Variants in MAD1L1 observed in about 807,000 individuals in gnomAD.
MAD1L1 encodes mitotic spindle assembly checkpoint protein MAD1.
Under a neutral mutation model 96.9 loss-of-function variants are expected in MAD1L1, and 95 were observed. That is an observed-to-expected ratio of 0.98 (90% confidence interval 0.83 to 1.16). The LOEUF is 1.16. Among genes scored for constraint, MAD1L1 ranks in the 50% most tolerant of loss-of-function variants. The pLI is 0.00. For missense variants in MAD1L1, 1,007 were observed against 954.4 expected, an observed-to-expected ratio of 1.06 and a Z score of -0.73; for synonymous variants, 473 against 396.6, an observed-to-expected ratio of 1.19 and a Z score of -2.29.
At chr7:1,824,260 C>T (rs1045479189) in intron 18 of MAD1L1, among the ~76,000 whole-genome samples, 26 of 152,202 alleles carry the variant, frequency 1.7e-4, no homozygotes, top group Non-Finnish European at 3.8e-4. Flanking sequence ...GCAGAGCTGC[C>T]GACATCGGGG....
intron 11 of MAD1L1, among the ~76,000 whole-genome samples, chr7:2,110,397 C>T (rs1320501575): frequency 6.6e-6 from 1 of 152,210 alleles, no homozygotes; most frequent in Non-Finnish European, 1.5e-5. Flanking sequence ...AGAAGCCACG[C>T]CCAAAGCGGA....
chr7:1,989,761 C>T (rs913734456), intron 14 of MAD1L1, among the ~76,000 whole-genome samples: 3 of 152,208 alleles, frequency 2.0e-5, no homozygotes, highest in Non-Finnish European at 4.4e-5. Flanking sequence ...CAGCGTGGCC[C>T]GGCTTCGGCA....
intron 17 of MAD1L1, among the ~76,000 whole-genome samples, chr7:1,913,088 G>T (rs113871556): frequency 6.6e-6 from 1 of 152,212 alleles, no homozygotes; most frequent in African/African-American, 2.4e-5. Context: ...TCGGCAAGAC[G>T]AGAGTTTTAA....
chr7:1,914,293 G>A (rs1448589239), intron 17 of MAD1L1, among the ~76,000 whole-genome samples: 1 of 152,236 alleles, frequency 6.6e-6, no homozygotes, highest in Admixed American at 6.5e-5. Context: ...ACGTGGGAAG[G>A]GACTCTGCAG....
chr7:2,111,271 C>T (rs548844200), intron 11 of MAD1L1, among the ~76,000 whole-genome samples: 12 of 152,312 alleles, frequency 7.9e-5, no homozygotes, highest in African/African-American at 2.9e-4. Context: ...GGCCTCAGAG[C>T]CCGCAGGCGC....
rs148084330 is a variant in MAD1L1, at chr7:1,982,989, T to C, written c.1417-2448A>G. Reference sequence around the variant, plus strand: ...ATATCCTAAAATCAAGCTGACAGGCTGGTCCTGGAATAAATCTTACTGCAT... The same window carrying C: ...ATATCCTAAAATCAAGCTGACAGGCCGGTCCTGGAATAAATCTTACTGCAT... On this transcript the variant is annotated intron_variant, in intron 14 of 18. Coordinates refer to ENST00000265854, the MANE Select transcript of MAD1L1 (RefSeq NM_001013836.2). 7.2e-5 allele frequency among the ~76,000 whole-genome samples: 11 copies of C among 152,360 alleles called. No homozygotes were observed. The East Asian group carries it at 2.1e-3, about 29-fold the overall frequency.
intron 15 of MAD1L1, among the ~76,000 whole-genome samples, chr7:1,958,041 C>T (rs557102477): frequency 5.2e-4 from 79 of 152,158 alleles, no homozygotes; most frequent in Non-Finnish European, 8.1e-4. Flanking sequence ...TCAGTGTGTC[C>T]GTGTCCGTCA....
chr7:2,191,389 A>G (rs537138318), intron 10 of MAD1L1, among the ~76,000 whole-genome samples: 1 of 152,292 alleles, frequency 6.6e-6, no homozygotes, highest in East Asian at 1.9e-4. Context: ...TTTCTTGTTT[A>G]TTTCACCTAA....
In MAD1L1 at chr7:1,982,583, C is replaced by T. The variant is rs1057063412; in HGVS notation, c.1417-2042G>A. 3.9e-5 allele frequency among the ~76,000 whole-genome samples: 6 copies of T among 152,180 alleles called. No individual in the cohort carries two copies. The South Asian group carries it at 6.2e-4, about 16-fold the overall frequency. On this transcript the variant is annotated intron_variant, in intron 14 of 18. Transcript: ENST00000265854. ...GTTTCCCGCCCCCTTCACTAAATTC[C>T]GACCGACAGCAGCAGTTCTCAGTTG... is the stretch of plus-strand genomic sequence containing the variant.
intron 17 of MAD1L1, among the ~76,000 whole-genome samples, chr7:1,906,669 G>C (rs1035975570): frequency 3.3e-5 from 5 of 152,360 alleles, no homozygotes; most frequent in East Asian, 3.9e-4. Flanking sequence ...CCTGAGCTCA[G>C]GTGGGCTGGG....
intron 14 of MAD1L1, among the ~76,000 whole-genome samples, chr7:2,001,809 T>C (rs1017008825): frequency 2.0e-5 from 3 of 152,180 alleles, no homozygotes; most frequent in African/African-American, 4.8e-5. Flanking sequence ...GCGGCAAACA[T>C]GTCACTGGCC....
At chr7:1,890,103 G>A (rs2128437087) in intron 18 of MAD1L1, among the ~76,000 whole-genome samples, 1 of 152,382 alleles carries the variant, frequency 6.6e-6, no homozygotes, top group Middle Eastern at 3.4e-3. Context: ...ATGTATCCGT[G>A]GGAGGGTCTC....
At chr7:2,067,644 G>A (rs867176506) in intron 12 of MAD1L1, among the ~76,000 whole-genome samples, 31 of 151,976 alleles carry the variant, frequency 2.0e-4, no homozygotes, top group Middle Eastern at 3.4e-3. Context: ...TGGTCAGCCC[G>A]CGTGCTGTGG....
intron 16 of MAD1L1, among the ~76,000 whole-genome samples, chr7:1,941,343 GT>G (rs1255843587): frequency 1.3e-5 from 2 of 152,112 alleles, no homozygotes; most frequent in African/African-American, 4.8e-5. Flanking sequence ...CTGGGATGAG[GT>G]TTCCCCCCTG....
chr7:2,161,558 G>T (rs955291975), intron 10 of MAD1L1, among the ~76,000 whole-genome samples: 1 of 151,988 alleles, frequency 6.6e-6, no homozygotes, highest in African/African-American at 2.4e-5. Context: ...GTCTCTGACC[G>T]GCCGCCCATC....
intron 15 of MAD1L1, among the ~76,000 whole-genome samples, chr7:1,977,050 C>A (rs974079534): frequency 6.6e-6 from 1 of 152,262 alleles, no homozygotes; most frequent in African/African-American, 2.4e-5. Context: ...AGCTGGCTTC[C>A]GACAGTGGAT....
intron 10 of MAD1L1, among the ~76,000 whole-genome samples, chr7:2,171,542 A>C (rs1324086800): frequency 7.3e-6 from 1 of 136,546 alleles, no homozygotes; most frequent in Non-Finnish European, 1.5e-5. Context: ...CACCGTGCAA[A>C]GGACAGCAGA....
chr7:2,060,496 C>T (rs564622961), intron 12 of MAD1L1, among the ~76,000 whole-genome samples: 1 of 147,826 alleles, frequency 6.8e-6, no homozygotes, highest in Admixed American at 6.7e-5. Context: ...GAGATAATGC[C>T]GAGACCGAGA....
chr7:2,214,107 A>G (rs1269708659), intron 9 of MAD1L1, among the ~76,000 whole-genome samples: 2 of 152,250 alleles, frequency 1.3e-5, no homozygotes, highest in Admixed American at 6.5e-5. Flanking sequence ...AGCACTTTGC[A>G]TAGACTCATG....
Sources: gnomAD v4.1 joint callset for allele counts (sites outside exome capture counted in the v4.1 genomes callset) on GRCh38, gnomAD v4.1.1 for gene constraint, MANE v1.5 for transcripts, NCBI Gene and HGNC (gene_info 2026-07-23, HGNC 2026-07-21) for gene names.